The following ENPP2 variants were observed in gnomAD, a reference collection of about 807,000 sequenced individuals.
ENPP2 encodes the protein autotaxin.
In ENPP2, 51 loss-of-function variants were observed where a neutral mutation model predicts 120.2. That is an observed-to-expected ratio of 0.42 (90% CI 0.34 to 0.54). The LOEUF (loss-of-function observed/expected upper bound fraction) is 0.54. Among genes scored for constraint, ENPP2 ranks in the 20% least tolerant of loss-of-function variants. ENPP2 has a pLI of 0.04. For synonymous variants in ENPP2, 365 were observed against 366.4 expected (o/e 1.00, Z 0.04); for missense variants, 920 against 1,066.5 (o/e 0.86, Z 1.91).
rs544808576 is a variant in ENPP2 at position 119,584,192 on chromosome 8, G to T, written c.1368-143C>A. The T allele has an allele frequency of 5.8e-5, 36 of 617,116 alleles. No individual in the cohort carries two copies. The South Asian group carries it at 6.7e-4, about 11-fold the overall frequency. The allele number at this position is 617,116 out of a possible 1,614,324, so 38.2% of individuals were successfully genotyped here. A position where few individuals can be genotyped will look rare whatever the true frequency, so the allele number is the denominator to read the frequency against. ...TTAATTGCATTCTTCTTGTGATGATGAAAAGAGGATCCTATGCATTTCTCC... is the reference window on the plus strand; with the variant it reads ...TTAATTGCATTCTTCTTGTGATGATTAAAAGAGGATCCTATGCATTTCTCC... On this transcript the variant is annotated intron_variant, in intron 15 of 24. Transcript: ENST00000075322.
At position 119,582,578 on chromosome 8, in the gene ENPP2, G is replaced by A; in HGVS notation, c.1568C>T (p.Pro523Leu). The change falls in exon 18 of 25, where the codon CCT becomes CTT. Residue 523 changes from proline to leucine, a missense_variant. Pro to Leu is a moderately conservative substitution (Grantham distance 98). Transcript: ENST00000075322. ...CAAACTTCCATGGGTCCCATTATTA[G>A]GAGCTGGCTTCAATCCCAGGAGATC... ...MCDLLGLKPA[P>L]NNGTHGSLNH... 1 of 1,613,422 alleles carries A rather than the reference G, an allele frequency of 6.2e-7. No homozygotes were observed. Among genetic ancestry groups the A allele is most frequent in the Non-Finnish European group, 8.5e-7 (1 of 1,179,464 alleles).
At chr8:119,637,826 G>A (rs1817094875) in intron 2 of ENPP2, among the ~76,000 whole-genome samples, 1 of 152,204 alleles carries the variant, frequency 6.6e-6, no homozygotes, top group South Asian at 2.1e-4. Context: ...TTTCACTTTG[G>A]TTCTATTATT....
intron 1 of ENPP2, among the ~76,000 whole-genome samples, chr8:119,655,751 G>A (rs1156461208): frequency 1.3e-5 from 2 of 152,158 alleles, no homozygotes; most frequent in African/African-American, 4.8e-5. Flanking sequence ...GCTCACAAAA[G>A]TTTAAGTAAC....
intron 9 of ENPP2, among the ~76,000 whole-genome samples, chr8:119,604,190 G>C (rs1814527178): frequency 6.6e-6 from 1 of 151,950 alleles, no homozygotes; most frequent in Admixed American, 6.6e-5. Context: ...ACCACGCCTG[G>C]CTAATTTTTG....
chr8:119,580,345 C>G, intron 18 of ENPP2, 178 bp from the exon 19 acceptor site: 2 of 630,970 alleles, frequency 3.2e-6, no homozygotes, highest in Non-Finnish European at 5.7e-6. Flanking sequence ...ATTCTGGGCT[C>G]CACCTCTAGC....
chr8:119,592,106 G>A (rs922825298), intron 12 of ENPP2, among the ~76,000 whole-genome samples: 1 of 152,166 alleles, frequency 6.6e-6, no homozygotes, highest in African/African-American at 2.4e-5. Flanking sequence ...AAGGTGTATA[G>A]TGTCAGATAG....
At position 119,586,268 on chromosome 8, in the gene ENPP2, G is replaced by C; in HGVS notation, c.1285C>G (p.Leu429Val). ...QHFKPYLKQH[L>V]PKRLHYANNR... ...TTGGCATAGTGCAAACGTTTGGGAAGGTGCTGTTTCAAGTAAGGCTTAAAG... is the reference window on the plus strand; with the variant it reads ...TTGGCATAGTGCAAACGTTTGGGAACGTGCTGTTTCAAGTAAGGCTTAAAG... Residue 429 changes from leucine (L) to valine (V), a missense_variant, in exon 15 of 25, where the codon CTT becomes GTT. By Grantham distance (32) the Leu-to-Val change is conservative. Transcript: ENST00000075322. The C allele has an allele frequency of 6.2e-7, 1 of 1,613,766 alleles. No homozygotes were observed. The highest frequency in any genetic ancestry group is 8.5e-7 in the Non-Finnish European group (1 of 1,179,712).
chr8:119,561,946 G>A (rs1451629725), intron 24 of ENPP2, among the ~76,000 whole-genome samples: 1 of 151,900 alleles, frequency 6.6e-6, no homozygotes, highest in African/African-American at 2.4e-5. Flanking sequence ...AGACCATCCT[G>A]GCTAACACGG....
chr8:119,614,439 G>A (rs971655084), intron 8 of ENPP2, among the ~76,000 whole-genome samples: 1 of 152,106 alleles, frequency 6.6e-6, no homozygotes, highest in African/African-American at 2.4e-5. Context: ...ACAAATCTTG[G>A]TCAGCATGAG....
At chr8:119,669,228 T>C (rs1818169879) in intron 1 of ENPP2, among the ~76,000 whole-genome samples, 1 of 152,226 alleles carries the variant, frequency 6.6e-6, no homozygotes, top group African/African-American at 2.4e-5. Context: ...AATAAATGCA[T>C]TCAACCAGTC....
At position 119,577,479 on chromosome 8, in the gene ENPP2, G is replaced by T. The variant is rs958467622; in HGVS notation, c.1780+2637C>A. Among the ~76,000 whole-genome samples, 6 of 152,318 alleles carry T rather than the reference G, an allele frequency of 3.9e-5. No individual in the cohort carries two copies. The East Asian group carries it at 5.8e-4, about 15-fold the overall frequency. On this transcript the variant is annotated intron_variant, in intron 19 of 24. Transcript: ENST00000075322. ...AACATCGCTTTGCCACTGAAGAAAT[G>T]ACCAAGATAGAGCCCAAAAGGAAAC... is the stretch of plus-strand genomic sequence containing the variant.
In ENPP2 at chr8:119,626,567, G is replaced by T. The variant is rs748466835; in HGVS notation, c.290C>A (p.Thr97Lys). The T allele has an allele frequency of 1.4e-5, 22 of 1,613,390 alleles. No individual in the cohort carries two copies. The African/African-American group carries it at 2.4e-4, about 18-fold the overall frequency. The change falls in exon 3 of 25, where the codon ACA (threonine) becomes AAA (lysine). Residue 97 changes from threonine (T) to lysine (K), a missense_variant and splice_region_variant. Coordinates refer to ENST00000075322, the MANE Select transcript of ENPP2 (RefSeq NM_001040092.3). Reference protein sequence around the residue: ...CHDFDELCLKTARGWECTKDR... With the variant: ...CHDFDELCLKKARGWECTKDR... ...GAGAGGACTCATAAGTTACGTACCT[G>T]TCTTCAAACACAGCTCATCAAAGTC...
chr8:119,568,303 A>G (rs1327645353), intron 21 of ENPP2, 51 bp from the exon 22 acceptor site: 1 of 875,180 alleles, frequency 1.1e-6, no homozygotes, highest in Non-Finnish European at 1.7e-6. Flanking sequence ...AATCTATATC[A>G]GTTAAAAAAA....
chr8:119,557,717 G>A (rs769186212), intron 24 of ENPP2, 26 bp from the exon 25 acceptor site: 2 of 1,518,368 alleles, frequency 1.3e-6, no homozygotes, highest in Non-Finnish European at 1.8e-6. Flanking sequence ...AACAAAATCA[G>A]AATCAGAATT....
intron 20 of ENPP2, 102 bp downstream of exon 20, chr8:119,570,603 T>C: frequency 1.6e-6 from 1 of 639,822 alleles, no homozygotes; most frequent in Non-Finnish European, 2.6e-6. Flanking sequence ...TAAGAAAAAA[T>C]AAAATATTTT....
At chr8:119,642,925 GTAAT>G (rs1284217689), upstream of ENPP2, among the ~76,000 whole-genome samples, 8 of 152,294 alleles carry the variant, frequency 5.3e-5, no homozygotes, top group East Asian at 1.3e-3. Flanking sequence ...GCTTCCTGAA[GTAAT>G]TAATTGTCAT....
chr8:119,665,107 C>A (rs1206550360), intron 1 of ENPP2, among the ~76,000 whole-genome samples: 1 of 152,096 alleles, frequency 6.6e-6, no homozygotes, highest in Non-Finnish European at 1.5e-5. Flanking sequence ...GGGTTAGGAC[C>A]CATCCTCATG....
chr8:119,657,548 T>G (rs983891781), intron 1 of ENPP2, among the ~76,000 whole-genome samples: 2 of 152,224 alleles, frequency 1.3e-5, no homozygotes, highest in Admixed American at 6.5e-5. Flanking sequence ...CCCTTAGCAG[T>G]GGGCTGCAGC....
chr8:119,641,776 A>C (rs974165490), upstream of ENPP2, among the ~76,000 whole-genome samples: 1 of 152,218 alleles, frequency 6.6e-6, no homozygotes, highest in African/African-American at 2.4e-5. Context: ...GAGGTCAGAC[A>C]AGAACTGGCA....
Sources: allele counts gnomAD v4.1 joint callset (sites outside exome capture counted in the v4.1 genomes callset), GRCh38; gene constraint gnomAD v4.1.1; transcripts MANE v1.5; gene names NCBI Gene and HGNC (gene_info 2026-07-23, HGNC 2026-07-21).